ZNF732: variants seen among roughly 807,000 people sequenced by gnomAD.
ZNF732 encodes the protein zinc finger protein LOC654254.
In ZNF732, 12 loss-of-function variants were observed where a neutral mutation model predicts 11.5. The observed-to-expected ratio is 1.05, with a 90% CI of 0.67 to 1.70. The LOEUF is 1.70. Ranked by LOEUF, ZNF732 falls within the 40% of genes most tolerant of loss-of-function variation. ZNF732 has a pLI of 0.00. For synonymous variants in ZNF732, 231 were observed against 236.5 expected (o/e 0.98, Z 0.21); for missense variants, 702 against 676.9 (o/e 1.04, Z -0.41).
At chr4:295,580 TTACC>T in intron 2 of ZNF732, 47 bp from the exon 3 acceptor site, 3 of 1,438,498 alleles carry the variant, frequency 2.1e-6, no homozygotes, top group Non-Finnish European at 1.9e-6. Context: ...GATTCTCCAA[TTACC>T]TACCTAATAC....
chr4:291,936 G>T (rs1719849018), intron 3 of ZNF732, among the ~76,000 whole-genome samples: 2 of 152,076 alleles, frequency 1.3e-5, no homozygotes, highest in African/African-American at 4.8e-5. Flanking sequence ...ACTAATTTTG[G>T]CAAGGGAACC....
chr4:299,437 A>ATATATATACATACACATGTG (rs1720046169), intron 1 of ZNF732, among the ~76,000 whole-genome samples: 1 of 11,914 alleles, frequency 8.4e-5, no homozygotes. Context: ...ACATATGTGT[A>ATATATATACATACACATGTG]TATATATATA....
At chr4:280,001 A>G (rs1553839470) in intron 3 of ZNF732, among the ~76,000 whole-genome samples, 1 of 152,174 alleles carries the variant, frequency 6.6e-6, no homozygotes, top group Non-Finnish European at 1.5e-5. Flanking sequence ...GTGAAACCCA[A>G]TGATTTTTAT....
intron 3 of ZNF732, among the ~76,000 whole-genome samples, chr4:279,373 G>A (rs1215375184): frequency 6.6e-6 from 1 of 151,528 alleles, no homozygotes; most frequent in East Asian, 1.9e-4. Flanking sequence ...GTGAACCCGG[G>A]AGGCAGAGCT....
At chr4:288,916 A>G (rs1719785783) in intron 3 of ZNF732, among the ~76,000 whole-genome samples, 1 of 152,200 alleles carries the variant, frequency 6.6e-6, no homozygotes, top group Admixed American at 6.5e-5. Flanking sequence ...TGTTATTGCA[A>G]CAATATTCAC....
At position 276,866 on chromosome 4, in the gene ZNF732, A is replaced by G. The variant is rs573810951; in HGVS notation, c.227-4236T>C. On this transcript the variant is annotated intron_variant, in intron 3 of 3. Transcript: ENST00000419098. ...TAGCAAAAGTAATCCTAAGGGGGGG[A>G]CAAAAAAAAACAGCTGGAAGCATCA... Among the ~76,000 whole-genome samples the G allele has an allele frequency of 6.3e-4, 95 of 151,658 alleles. 1 individual carries two copies. The highest frequency in any genetic ancestry group is 2.2e-3 in the African/African-American group (93 of 41,444).
intron 3 of ZNF732, 95 bp from the exon 4 acceptor site, chr4:272,725 A>G: frequency 1.7e-6 from 2 of 1,182,356 alleles, no homozygotes; most frequent in South Asian, 4.3e-5. Flanking sequence ...TACATTAGTA[A>G]GATGGCATAA....
chr4:286,079 C>T (rs1187332136), intron 3 of ZNF732, among the ~76,000 whole-genome samples: 3 of 152,152 alleles, frequency 2.0e-5, no homozygotes, highest in African/African-American at 7.2e-5. Context: ...TCTCCCCTGA[C>T]AAAAAGTGCT....
At chr4:295,608 A>G in intron 2 of ZNF732, 75 bp from the exon 3 acceptor site, 1 of 1,239,010 alleles carries the variant, frequency 8.1e-7, no homozygotes, top group Non-Finnish European at 1.1e-6. Flanking sequence ...ACTAAGTAGA[A>G]AAGAGAAATT....
chr4:299,430 T>TATATACAC (rs1560165177), intron 1 of ZNF732, among the ~76,000 whole-genome samples: 25 of 77,766 alleles, frequency 3.2e-4, no homozygotes, highest in South Asian at 4.8e-4. Flanking sequence ...TATATACACA[T>TATATACAC]ATGTGTATAT....
At chr4:278,381 C>G (rs1443333674) in intron 3 of ZNF732, among the ~76,000 whole-genome samples, 3 of 152,126 alleles carry the variant, frequency 2.0e-5, no homozygotes, top group Non-Finnish European at 4.4e-5. Flanking sequence ...ACACAAATGT[C>G]CCTTTAGAGA....
At chr4:299,431 A>ATGTG (rs1432889054) in intron 1 of ZNF732, among the ~76,000 whole-genome samples, 133 of 65,672 alleles carry the variant, frequency 2.0e-3, no homozygotes, top group Non-Finnish European at 2.5e-3. Context: ...ATATACACAT[A>ATGTG]TGTGTATATA....
intron 3 of ZNF732, among the ~76,000 whole-genome samples, chr4:274,036 T>C (rs1719443804): frequency 6.6e-6 from 1 of 151,728 alleles, no homozygotes; most frequent in Non-Finnish European, 1.5e-5. Flanking sequence ...GAAAATAACA[T>C]AATGTAAGAA....
In ZNF732 at chr4:271,735, G is replaced by A. The variant is rs141222085; in HGVS notation, c.1122C>T (p.Ser374=). 1.1e-4 allele frequency: 175 copies of A among 1,611,624 alleles called. No individual in the cohort carries two copies. The African/African-American group carries it at 1.5e-3, about 14-fold the overall frequency. The change falls in exon 4 of 4, where the codon TCC becomes TCT. Residue 374 remains serine (S), a synonymous_variant. Transcript: ENST00000419098. The stretch of plus-strand genomic sequence containing the variant: ...TACTCTTATGTTTATTAAGGGTTGC[G>A]GATTGTCTAAAGGCTTTGCCACATT... ...CEQCGKAFRQ[S]ATLNKHKSIH...
intron 3 of ZNF732, among the ~76,000 whole-genome samples, chr4:292,359 AC>A (rs1719855860): frequency 6.6e-6 from 1 of 152,110 alleles, no homozygotes; most frequent in African/African-American, 2.4e-5. Flanking sequence ...GGAGTTTGAG[AC>A]CAGCCTGACC....
At chr4:299,759 C>T (rs1227093212) in intron 1 of ZNF732, among the ~76,000 whole-genome samples, 5 of 144,344 alleles carry the variant, frequency 3.5e-5, no homozygotes, top group Admixed American at 1.4e-4. Context: ...TGCAATGGCA[C>T]GATATCAGCT....
In ZNF732 at chr4:271,972, T is replaced by G. The variant is rs1553837697; in HGVS notation, c.885A>C (p.Lys295Asn). 3 of 1,606,850 alleles carry G rather than the reference T, an allele frequency of 1.9e-6. No individual in the cohort carries two copies. The highest frequency in any genetic ancestry group is 2.7e-5 in the African/African-American group (2 of 74,664). ...TCTCTCCGGTATGAATTTTCTTATG[T>G]TTGGCAACATTTGAGGATGAGGTAA... is the stretch of plus-strand genomic sequence containing the variant. ...KIITSSSNVA[K>N]HKKIHTGEKL... Residue 295 changes from lysine (K) to asparagine (N), a missense_variant, in exon 4 of 4, where the codon AAA (lysine) becomes AAC (asparagine). Lys to Asn is a moderately conservative substitution (Grantham distance 94, BLOSUM62 0). Coordinates refer to ENST00000419098, the MANE Select transcript of ZNF732 (RefSeq NM_001137608.3).
chr4:276,296 T>C (rs1204927401), intron 3 of ZNF732, among the ~76,000 whole-genome samples: 6 of 151,878 alleles, frequency 4.0e-5, no homozygotes, highest in African/African-American at 1.4e-4. Context: ...AATAGATATA[T>C]CACTGATCCA....
intron 3 of ZNF732, among the ~76,000 whole-genome samples, chr4:284,870 C>CAAAAAAAAAAAAA (rs1163209652): frequency 7.3e-5 from 4 of 54,800 alleles, no homozygotes; most frequent in Admixed American, 2.1e-4. Context: ...GACTCTGTCT[C>CAAAAAAAAAAAAA]AAAAAAAAAA....
Sources: gnomAD v4.1 joint callset for allele counts (sites outside exome capture counted in the v4.1 genomes callset) on GRCh38, gnomAD v4.1.1 for gene constraint, MANE v1.5 for transcripts, NCBI Gene and HGNC (gene_info 2026-07-23, HGNC 2026-07-21) for gene names.